Variants in NUDT7 observed in about 807,000 individuals in gnomAD.
The protein encoded by NUDT7 is nudix hydrolase 7, also known as peroxisomal coenzyme A diphosphatase NUDT7.
NUDT7 carries 19 observed loss-of-function variants against 13.1 expected under a neutral mutation model. The observed-to-expected ratio is 1.45, with a 90% confidence interval of 1.01 to 2.13. The LOEUF is 2.13. NUDT7 is among the 30% of genes most tolerant of loss of function. NUDT7 has a pLI of 0.00. For missense variants in NUDT7, 360 were observed against 291.7 expected (o/e 1.23, Z -1.71); for synonymous variants, 132 against 109.7 (o/e 1.20, Z -1.27).
In NUDT7 at chr16:77,725,493, C is replaced by G. The variant is rs2014103039; in HGVS notation, c.98C>G (p.Ser33Cys). ...AAGTATGATATTGGAGGCAAATATTCTCACTTGCCATATAACAAATACTCC... is the reference window on the plus strand; with the variant it reads ...AAGTATGATATTGGAGGCAAATATTGTCACTTGCCATATAACAAATACTCC... ...LRKYDIGGKY[S>C]HLPYNKYSVL... Residue 33 changes from serine (S) to cysteine (C), a missense_variant, in exon 2 of 4, where the codon TCT (serine) becomes TGT (cysteine). Physicochemically the swap from Ser to Cys is moderately radical, Grantham distance 112 (BLOSUM62 -1). Coordinates refer to ENST00000268533, the MANE Select transcript of NUDT7 (RefSeq NM_001105663.3). The G allele has an allele frequency of 6.2e-7, 1 of 1,613,066 alleles. No homozygotes were observed. Among genetic ancestry groups the G allele is most frequent in the Non-Finnish European group, 8.5e-7 (1 of 1,179,104 alleles).
At chr16:77,739,945 C>T (rs556407825) in intron 3 of NUDT7, among the ~76,000 whole-genome samples, 1 of 152,242 alleles carries the variant, frequency 6.6e-6, no homozygotes, top group East Asian at 1.9e-4. Context: ...GTGCCCTTGC[C>T]AGCCTTCTTC....
At chr16:77,732,835 C>G (rs2014361179) in intron 2 of NUDT7, among the ~76,000 whole-genome samples, 1 of 152,148 alleles carries the variant, frequency 6.6e-6, no homozygotes, top group Non-Finnish European at 1.5e-5. Context: ...CTGTTTCTGT[C>G]AAGCCTGATG....
At chr16:77,737,089 T>G (rs564714775) in intron 3 of NUDT7, among the ~76,000 whole-genome samples, 1 of 152,156 alleles carries the variant, frequency 6.6e-6, no homozygotes, top group South Asian at 2.1e-4. Context: ...TCCCCTGTGG[T>G]TGACATCTTA....
At chr16:77,734,933 C>T (rs566666539) in intron 2 of NUDT7, among the ~76,000 whole-genome samples, 2 of 152,210 alleles carry the variant, frequency 1.3e-5, no homozygotes, top group African/African-American at 4.8e-5. Context: ...TTGTACAACA[C>T]AGTAAATGTA....
rs199571663 is a variant in NUDT7 at position 77,741,803 on chromosome 16, A to G, written c.570A>G (p.Gly190=). The G allele has an allele frequency of 1.2e-4, 194 of 1,614,176 alleles. No individual in the cohort carries two copies. In the African/African-American group the frequency reaches 2.2e-3, roughly 19 times the overall value. ...ACGGTGTCACTTACCAGATCAAGGGAATGACGGCAAACCTTGCAGTGTTGG... is the reference window on the plus strand; with the variant it reads ...ACGGTGTCACTTACCAGATCAAGGGGATGACGGCAAACCTTGCAGTGTTGG... ...PEDGVTYQIK[G]MTANLAVLVA... The change falls in exon 4 of 4, where the codon GGA becomes GGG. Residue 190 remains glycine, a synonymous_variant. Transcript: ENST00000268533.
rs78522292 is a variant in NUDT7, at chr16:77,725,072, G to C, written c.36-359G>C. ...ATAAGGGCCAGCTTAACAGAAGGTA[G>C]TCTTCTAACCTTCTAACCTTAACAA... On this transcript the variant is annotated intron_variant, in intron 1 of 3. Coordinates refer to ENST00000268533, the MANE Select transcript of NUDT7 (RefSeq NM_001105663.3). Among the ~76,000 whole-genome samples the C allele has an allele frequency of 8.6e-3, 1,314 of 152,290 alleles. 21 individuals carry two copies. The highest frequency in any genetic ancestry group is 0.03 in the African/African-American group (1,268 of 41,576).
chr16:77,729,063 C>G (rs1237552490), intron 2 of NUDT7, among the ~76,000 whole-genome samples: 10 of 152,124 alleles, frequency 6.6e-5, no homozygotes, highest in Non-Finnish European at 1.2e-4. Context: ...TACTTGGCCT[C>G]TGAGTAGCAT....
At chr16:77,732,304 G>A (rs2014342634) in intron 2 of NUDT7, among the ~76,000 whole-genome samples, 2 of 151,062 alleles carry the variant, frequency 1.3e-5, no homozygotes, top group African/African-American at 2.4e-5. Context: ...CTCCAGCCTG[G>A]TCGACAGACG....
At chr16:77,725,376 C>A in intron 1 of NUDT7, 55 bp from the exon 2 acceptor site, 2 of 1,531,090 alleles carry the variant, frequency 1.3e-6, no homozygotes, top group Non-Finnish European at 1.8e-6. Context: ...GGACTATAAG[C>A]TTTTTACCAT....
Position 77,735,358 on chromosome 16 carries a change from A to G in NUDT7, c.190-470A>G, listed in dbSNP as rs77532180. ...GAGATAAGGTTGTTTAAAAGTGTGTAGCACCTCCCCTCCCTCTCTCTGTCT... is the reference window on the plus strand; with the variant it reads ...GAGATAAGGTTGTTTAAAAGTGTGTGGCACCTCCCCTCCCTCTCTCTGTCT... On this transcript the variant is annotated intron_variant, in intron 2 of 3. Transcript: ENST00000268533. The G allele has an allele frequency of 9.3e-5, 49 of 526,390 alleles. No homozygotes were observed. The East Asian group carries it at 1.1e-3, about 12-fold the overall frequency. The allele number at this position is 526,390 out of a possible 1,614,324, so 32.6% of individuals were successfully genotyped here.
At chr16:77,732,767 G>A (rs963472397) in intron 2 of NUDT7, among the ~76,000 whole-genome samples, 2 of 152,058 alleles carry the variant, frequency 1.3e-5, no homozygotes, top group Non-Finnish European at 2.9e-5. Flanking sequence ...TTTTCAGAAC[G>A]TGTCCCTGTT....
chr16:77,732,990 C>G (rs1393374378), intron 2 of NUDT7, among the ~76,000 whole-genome samples: 1 of 152,182 alleles, frequency 6.6e-6, no homozygotes, highest in East Asian at 1.9e-4. Context: ...GTGTTCAAGA[C>G]AGTAGAAATA....
At chr16:77,724,431 T>C (rs1025376878) in intron 1 of NUDT7, among the ~76,000 whole-genome samples, 9 of 143,454 alleles carry the variant, frequency 6.3e-5, no homozygotes, top group African/African-American at 2.6e-4. Flanking sequence ...TAAGCTAATT[T>C]ATGCTTTTTT....
intron 2 of NUDT7, among the ~76,000 whole-genome samples, chr16:77,734,701 G>A (rs1481421597): frequency 2.6e-5 from 4 of 151,688 alleles, no homozygotes; most frequent in Admixed American, 6.6e-5. Context: ...ACACACAATA[G>A]AATACTATTC....
Position 77,741,839 on chromosome 16 carries a change from C to CATT in NUDT7, c.607_609dup (p.Ile203dup). 1.2e-6 allele frequency: 2 copies of CATT among 1,614,002 alleles called. No homozygotes were observed. The highest frequency in any genetic ancestry group is 1.7e-6 in the Non-Finnish European group (2 of 1,179,980). On this transcript the variant is annotated inframe_insertion, in exon 4 of 4. Coordinates refer to ENST00000268533, the MANE Select transcript of NUDT7 (RefSeq NM_001105663.3). Reference sequence around the variant, plus strand: ...ACCTTGCAGTGTTGGTGGCCTTTATCATTTTGGAAAAAAAACCCACCTTTG... The same window carrying CATT: ...ACCTTGCAGTGTTGGTGGCCTTTATCATTATTTTGGAAAAAAAACCCACCTTTG...
At position 77,741,354 on chromosome 16, in the gene NUDT7, A is replaced by C. The variant is rs2014653690; in HGVS notation, c.349-228A>C. 3 of 487,954 alleles carry C rather than the reference A, an allele frequency of 6.1e-6. No homozygotes were observed. In the East Asian group the frequency reaches 1.0e-4, roughly 17 times the overall value. 30.2% of individuals were successfully genotyped at this position (487,954 alleles called of 1,614,324 possible). On this transcript the variant is annotated intron_variant, in intron 3 of 3. Transcript: ENST00000268533. ...CCATTCCAAAAGATTGTACTACTTT[A>C]TGTTCATACAAGAAATCATTTTCAG...
Position 77,735,965 on chromosome 16 carries a change from C to T in NUDT7, c.327C>T (p.Cys109=), listed in dbSNP as rs754604135. Residue 109 remains cysteine (C), a synonymous_variant, in exon 3 of 4, where the codon TGC becomes TGT. Coordinates refer to ENST00000268533, the MANE Select transcript of NUDT7 (RefSeq NM_001105663.3). The part of the protein sequence containing the change: ...LRPHQVEVVC[C]LVPCLIDTDT... Reference sequence around the variant, plus strand: ...CTCACCAAGTGGAAGTTGTCTGCTGCCTGGTGCCATGTCTTATTGATGTAA... The same window carrying T: ...CTCACCAAGTGGAAGTTGTCTGCTGTCTGGTGCCATGTCTTATTGATGTAA... 19 of 1,613,988 alleles carry T rather than the reference C, an allele frequency of 1.2e-5. No homozygotes were observed. Among genetic ancestry groups the T allele is most frequent in the East Asian group, 2.2e-5 (1 of 44,884 alleles).
At chr16:77,727,366 G>T (rs953492968) in intron 2 of NUDT7, among the ~76,000 whole-genome samples, 2 of 151,772 alleles carry the variant, frequency 1.3e-5, no homozygotes, top group Non-Finnish European at 2.9e-5. Context: ...CAAGGAATCA[G>T]CTGGAGTTTT....
chr16:77,733,436 T>A (rs181963408), intron 2 of NUDT7, among the ~76,000 whole-genome samples: 1 of 152,220 alleles, frequency 6.6e-6, no homozygotes, highest in East Asian at 1.9e-4. Context: ...TGATGAGGGC[T>A]CTGCCCCCAT....
Sources: allele counts gnomAD v4.1 joint callset (sites outside exome capture counted in the v4.1 genomes callset), GRCh38; gene constraint gnomAD v4.1.1; transcripts MANE v1.5; gene names NCBI Gene and HGNC (gene_info 2026-07-23, HGNC 2026-07-21).